BTRC: variants seen among roughly 807,000 people sequenced by gnomAD.
BTRC encodes F-box/WD repeat-containing protein 1A.
Under a neutral mutation model 85.5 loss-of-function variants are expected in BTRC, and 42 were observed. The ratio of observed to expected loss-of-function variants is 0.49; its 90% CI spans 0.38 to 0.64. The LOEUF (loss-of-function observed/expected upper bound fraction) is 0.64, where lower values mean the gene tolerates loss of function less well. Among genes scored for constraint, BTRC ranks in the 30% least tolerant of loss-of-function variants. BTRC has a pLI of 0.00. For synonymous variants in BTRC, 255 were observed against 263.3 expected, an observed-to-expected ratio of 0.97 and a Z score of 0.30; for missense variants, 594 against 743.5, an observed-to-expected ratio of 0.80 and a Z score of 2.34.
chr10:101,417,943 C>T (rs143929420), intron 1 of BTRC, among the ~76,000 whole-genome samples: 2 of 152,306 alleles, frequency 1.3e-5, no homozygotes, highest in Non-Finnish European at 2.9e-5. Flanking sequence ...GTGTGACCCA[C>T]CACACTTGTC....
Position 101,534,190 on chromosome 10 carries a change from T to G in BTRC, c.1098-471T>G, listed in dbSNP as rs576114858. On this transcript the variant is annotated intron_variant, in intron 9 of 14. Coordinates refer to ENST00000370187, the MANE Select transcript of BTRC (RefSeq NM_033637.4). ...CAGAAATGGGGGCTTAGAATTAGAG[T>G]CATGGTTATCTTGGCCTTTGACCTT... Among the ~76,000 whole-genome samples, 9 of 152,034 alleles carry G rather than the reference T, an allele frequency of 5.9e-5. No individual in the cohort carries two copies. In the East Asian group the frequency reaches 9.7e-4, roughly 16 times the overall value.
At chr10:101,487,614 A>T (rs1268437681) in intron 4 of BTRC, among the ~76,000 whole-genome samples, 1 of 152,176 alleles carries the variant, frequency 6.6e-6, no homozygotes, top group Non-Finnish European at 1.5e-5. Context: ...TCCTGATTGG[A>T]GGCGATGGGC....
Position 101,426,862 on chromosome 10 carries a change from C to T in BTRC, c.49-3483C>T, listed in dbSNP as rs200829976. Reference sequence around the variant, plus strand: ...GTGGCTTTAGTATGGTTAAAAGTGTCGCCTGCCCTCTTGTGAAGGGAAGCA... The same window carrying T: ...GTGGCTTTAGTATGGTTAAAAGTGTTGCCTGCCCTCTTGTGAAGGGAAGCA... On this transcript the variant is annotated intron_variant, in intron 1 of 14. Coordinates refer to ENST00000370187, the MANE Select transcript of BTRC (RefSeq NM_033637.4). Among the ~76,000 whole-genome samples, 19 of 152,258 alleles carry T rather than the reference C, an allele frequency of 1.2e-4. No homozygotes were observed. The East Asian group carries it at 2.5e-3, about 20-fold the overall frequency.
intron 2 of BTRC, among the ~76,000 whole-genome samples, chr10:101,432,045 T>C (rs1564768853): frequency 2.0e-5 from 3 of 152,222 alleles, no homozygotes; most frequent in Admixed American, 1.3e-4. Context: ...GCTTTTATCA[T>C]GATCGTTATA....
intron 4 of BTRC, among the ~76,000 whole-genome samples, chr10:101,506,683 G>A (rs1370061335): frequency 1.3e-5 from 2 of 152,160 alleles, no homozygotes; most frequent in African/African-American, 2.4e-5. Flanking sequence ...AAATCTTTCA[G>A]CAGACTATTT....
At chr10:101,417,592 A>G (rs769690162) in intron 1 of BTRC, among the ~76,000 whole-genome samples, 2 of 152,206 alleles carry the variant, frequency 1.3e-5, no homozygotes, top group Non-Finnish European at 2.9e-5. Flanking sequence ...TATTTTTCCA[A>G]TTAAAACGAA....
intron 1 of BTRC, among the ~76,000 whole-genome samples, chr10:101,390,085 T>C (rs148399397): frequency 2.6e-4 from 40 of 152,314 alleles, no homozygotes; most frequent in African/African-American, 9.4e-4. Context: ...CTATTATTTC[T>C]ACTAGAAAAG....
At chr10:101,428,675 ATACT>A (rs1462495017) in intron 1 of BTRC, among the ~76,000 whole-genome samples, 1 of 152,186 alleles carries the variant, frequency 6.6e-6, no homozygotes, top group Non-Finnish European at 1.5e-5. Flanking sequence ...TCATGGATAA[ATACT>A]TAATTTTTCC....
chr10:101,413,354 C>T (rs1389187280), intron 1 of BTRC, among the ~76,000 whole-genome samples: 1 of 152,094 alleles, frequency 6.6e-6, no homozygotes, highest in Non-Finnish European at 1.5e-5. Context: ...CGCTCTGTTG[C>T]CCAGGCTGGA....
chr10:101,419,616 A>G (rs1338972366), intron 1 of BTRC, among the ~76,000 whole-genome samples: 1 of 152,148 alleles, frequency 6.6e-6, no homozygotes, highest in Non-Finnish European at 1.5e-5. Flanking sequence ...GCAAACCAAG[A>G]AGGCAATAGA....
intron 4 of BTRC, among the ~76,000 whole-genome samples, chr10:101,514,988 CTCTGTAA>C (rs1192631602): frequency 1.3e-5 from 2 of 152,098 alleles, no homozygotes; most frequent in African/African-American, 4.8e-5. Context: ...GACAGTTTTA[CTCTGTAA>C]TCCAGGCTGG....
intron 1 of BTRC, among the ~76,000 whole-genome samples, chr10:101,408,094 A>T (rs1943678039): frequency 6.6e-6 from 1 of 152,212 alleles, no homozygotes; most frequent in Non-Finnish European, 1.5e-5. Flanking sequence ...TTAAGTTTTT[A>T]AAAATCAATG....
chr10:101,510,818 C>G (rs1946683822), intron 4 of BTRC, among the ~76,000 whole-genome samples: 1 of 152,168 alleles, frequency 6.6e-6, no homozygotes, highest in Admixed American at 6.5e-5. Flanking sequence ...CCTTTGGTTT[C>G]TCCTCCTTCA....
chr10:101,461,947 TG>T (rs1429442345), intron 2 of BTRC, 33 bp from the exon 3 acceptor site: 1 of 1,478,624 alleles, frequency 6.8e-7, no homozygotes, highest in Non-Finnish European at 9.4e-7. Flanking sequence ...TTGAAGATAA[TG>T]AGAACTGAAT....
chr10:101,536,978 A>G lies in BTRC; in HGVS notation c.1577+325A>G, dbSNP rs539033277. Among the ~76,000 whole-genome samples, 8 of 152,346 alleles carry G rather than the reference A, an allele frequency of 5.3e-5. No homozygotes were observed. The South Asian group carries it at 1.7e-3, about 32-fold the overall frequency. ...AACAGGCTACCCATGTAAAAGGGTA[A>G]CCTGTTAACAAAACAGAAACACTAG... On this transcript the variant is annotated intron_variant, in intron 12 of 14. Transcript: ENST00000370187.
intron 1 of BTRC, among the ~76,000 whole-genome samples, chr10:101,402,183 A>C (rs752945181): frequency 2.0e-5 from 3 of 152,140 alleles, no homozygotes; most frequent in Non-Finnish European, 2.9e-5. Context: ...GATAAATCTA[A>C]ATTCATATGT....
At chr10:101,354,960 C>T (rs545086748) in intron 1 of BTRC, among the ~76,000 whole-genome samples, 5 of 152,118 alleles carry the variant, frequency 3.3e-5, no homozygotes, top group East Asian at 1.9e-4. Flanking sequence ...TTACAAATGT[C>T]AGGGAGGGGT....
intron 1 of BTRC, among the ~76,000 whole-genome samples, chr10:101,360,850 G>A (rs1008756594): frequency 3.3e-5 from 5 of 151,946 alleles, no homozygotes; most frequent in Non-Finnish European, 7.4e-5. Context: ...TTTTATTTGG[G>A]CGCAGCTCTG....
intron 4 of BTRC, among the ~76,000 whole-genome samples, chr10:101,481,998 A>C (rs926752310): frequency 6.6e-6 from 1 of 152,182 alleles, no homozygotes; most frequent in Non-Finnish European, 1.5e-5. Context: ...TGAGGTACCC[A>C]TAGCATGAGA....
Sources: gnomAD v4.1 joint callset for allele counts (sites outside exome capture counted in the v4.1 genomes callset) on GRCh38, gnomAD v4.1.1 for gene constraint, MANE v1.5 for transcripts, NCBI Gene and HGNC (gene_info 2026-07-23, HGNC 2026-07-21) for gene names.